Variants in HSD11B1 observed in about 807,000 individuals in gnomAD.
HSD11B1 encodes the protein 11-beta-hydroxysteroid dehydrogenase 1.
Under a neutral mutation model 22.1 loss-of-function variants are expected in HSD11B1, and 15 were observed. That is an observed-to-expected ratio of 0.68 (90% CI 0.45 to 1.04). The LOEUF (loss-of-function observed/expected upper bound fraction) is 1.04. Ranked by LOEUF, HSD11B1 falls within the 50% of genes least tolerant of loss-of-function variation. The probability of loss-of-function intolerance (pLI) is 0.00; values close to 1 mark genes in which losing one functional copy is unlikely to be tolerated. For missense variants in HSD11B1, 281 were observed against 357.6 expected, an observed-to-expected ratio of 0.79 and a Z score of 1.73; for synonymous variants, 122 against 125.2, an observed-to-expected ratio of 0.97 and a Z score of 0.17.
At chr1:209,693,687 C>T (rs2076774412) in intron 1 of HSD11B1, among the ~76,000 whole-genome samples, 1 of 152,242 alleles carries the variant, frequency 6.6e-6, no homozygotes, top group Non-Finnish European at 1.5e-5. Context: ...GCCCAGCACA[C>T]TGTCTGGCAC....
chr1:209,690,359 G>GA (rs1379144430), intron 1 of HSD11B1, among the ~76,000 whole-genome samples: 1 of 151,896 alleles, frequency 6.6e-6, no homozygotes, highest in Non-Finnish European at 1.5e-5. Context: ...GTATGGAGAA[G>GA]AAAAAAGAGC....
At chr1:209,697,360 C>A (rs1431534303) in intron 1 of HSD11B1, among the ~76,000 whole-genome samples, 1 of 152,202 alleles carries the variant, frequency 6.6e-6, no homozygotes, top group African/African-American at 2.4e-5. Flanking sequence ...TTTCCTGGAA[C>A]ATTCCTGCTC....
chr1:209,712,797 T>A (rs2076906191), intron 4 of HSD11B1, among the ~76,000 whole-genome samples: 1 of 152,220 alleles, frequency 6.6e-6, no homozygotes, highest in South Asian at 2.1e-4. Context: ...ACGCCTGTAA[T>A]CCCAGCACTT....
intron 4 of HSD11B1, among the ~76,000 whole-genome samples, chr1:209,711,474 T>A (rs558539440): frequency 6.6e-6 from 1 of 152,160 alleles, no homozygotes; most frequent in East Asian, 1.9e-4. Flanking sequence ...ACCTCAGAAA[T>A]AATCTTCAGG....
intron 1 of HSD11B1, among the ~76,000 whole-genome samples, chr1:209,689,337 C>T (rs1039959892): frequency 2.6e-5 from 4 of 152,166 alleles, no homozygotes; most frequent in Non-Finnish European, 4.4e-5. Context: ...ATGTGTGGTT[C>T]CTCCAATGAA....
intron 4 of HSD11B1, among the ~76,000 whole-genome samples, chr1:209,732,054 C>T (rs972652111): frequency 2.6e-5 from 4 of 152,140 alleles, no homozygotes; most frequent in Non-Finnish European, 5.9e-5. Context: ...AAAACATACC[C>T]TTTCCATTGC....
chr1:209,692,530 G>A (rs1284662029), intron 1 of HSD11B1, among the ~76,000 whole-genome samples: 1 of 148,100 alleles, frequency 6.8e-6, no homozygotes, highest in Admixed American at 6.9e-5. Context: ...GACAGGCCAG[G>A]GTGGTCAGGC....
intron 4 of HSD11B1, among the ~76,000 whole-genome samples, chr1:209,726,437 TA>T (rs1239386801): frequency 2.6e-5 from 4 of 151,788 alleles, no homozygotes; most frequent in Non-Finnish European, 5.9e-5. Context: ...ACGTTGTCTC[TA>T]CAAAAAATTA....
intron 1 of HSD11B1, among the ~76,000 whole-genome samples, chr1:209,689,780 C>G (rs1267222364): frequency 6.6e-6 from 1 of 152,124 alleles, no homozygotes; most frequent in African/African-American, 2.4e-5. Context: ...GCTGCAAAAC[C>G]ATAAGCCAAA....
At chr1:209,713,348 T>C (rs145550141) in intron 4 of HSD11B1, among the ~76,000 whole-genome samples, 1 of 152,372 alleles carries the variant, frequency 6.6e-6, no homozygotes, top group East Asian at 1.9e-4. Flanking sequence ...TTTTTGTTTT[T>C]AGCTTCATAT....
At chr1:209,718,040 G>T (rs190472787) in intron 4 of HSD11B1, among the ~76,000 whole-genome samples, 1 of 152,192 alleles carries the variant, frequency 6.6e-6, no homozygotes, top group East Asian at 1.9e-4. Context: ...AACTAAAAAG[G>T]TTTATCTCAT....
upstream of HSD11B1, among the ~76,000 whole-genome samples, chr1:209,703,572 A>T (rs45620239): frequency 0.016 from 2,492 of 152,184 alleles, 76 homozygotes; most frequent in African/African-American, 0.056. Context: ...GCCTTTGTTG[A>T]CAAATTGTTT....
intron 4 of HSD11B1, among the ~76,000 whole-genome samples, chr1:209,719,753 A>C (rs765289805): frequency 1.3e-4 from 20 of 152,218 alleles, no homozygotes; most frequent in Non-Finnish European, 2.2e-4. Context: ...ATGGCTTCAT[A>C]GTATTCCATG....
At chr1:209,699,607 T>C (rs2076814894) in intron 1 of HSD11B1, among the ~76,000 whole-genome samples, 1 of 152,124 alleles carries the variant, frequency 6.6e-6, no homozygotes. Context: ...ATTCCACCCC[T>C]GGCCCCTCCA....
intron 4 of HSD11B1, among the ~76,000 whole-genome samples, chr1:209,716,915 G>A (rs1056007259): frequency 1.3e-5 from 2 of 152,108 alleles, no homozygotes; most frequent in Non-Finnish European, 2.9e-5. Flanking sequence ...ATGCCCAACA[G>A]ATTAAAGACT....
At chr1:209,712,940 T>C (rs540237713) in intron 4 of HSD11B1, among the ~76,000 whole-genome samples, 8 of 152,020 alleles carry the variant, frequency 5.3e-5, no homozygotes, top group Non-Finnish European at 1.2e-4. Flanking sequence ...TCCCAGCTAC[T>C]TGGGAGGCTG....
At chr1:209,698,216 T>A (rs1049346127) in intron 1 of HSD11B1, among the ~76,000 whole-genome samples, 5 of 142,616 alleles carry the variant, frequency 3.5e-5, no homozygotes, top group Non-Finnish European at 7.8e-5. Flanking sequence ...GATAGATAGA[T>A]AGGAAGGACA....
At chr1:209,721,531 G>C (rs2102390443) in intron 4 of HSD11B1, among the ~76,000 whole-genome samples, 1 of 150,310 alleles carries the variant, frequency 6.7e-6, no homozygotes, top group South Asian at 2.1e-4. Context: ...ATATGAAAGT[G>C]AATTCTGTGG....
intron 1 of HSD11B1, among the ~76,000 whole-genome samples, chr1:209,695,797 C>T (rs2076787752): frequency 6.6e-6 from 1 of 152,082 alleles, no homozygotes; most frequent in African/African-American, 2.4e-5. Flanking sequence ...CAGAGTGAGA[C>T]TCCGTCTCAA....
Sources: gnomAD v4.1 joint callset for allele counts (sites outside exome capture counted in the v4.1 genomes callset) on GRCh38, gnomAD v4.1.1 for gene constraint, MANE v1.5 for transcripts, NCBI Gene and HGNC (gene_info 2026-07-23, HGNC 2026-07-21) for gene names.